The following ENKUR variants were observed in gnomAD, a reference collection of about 807,000 sequenced individuals.
The protein encoded by ENKUR is enkurin.
ENKUR carries 19 observed loss-of-function variants against 27.6 expected under a neutral mutation model. The ratio of observed to expected loss-of-function variants is 0.69; its 90% confidence interval spans 0.48 to 1.01. The LOEUF (loss-of-function observed/expected upper bound fraction) is 1.01, where lower values mean the gene tolerates loss of function less well. Ranked by LOEUF, ENKUR falls within the 50% of genes least tolerant of loss-of-function variation. ENKUR has a pLI of 0.00. For synonymous variants in ENKUR, 117 were observed against 96.9 expected (o/e 1.21, Z -1.22); for missense variants, 312 against 310.5 (o/e 1.00, Z -0.04).
chr10:25,009,328 G>T (rs1363636427), intron 1 of ENKUR, among the ~76,000 whole-genome samples: 1 of 152,014 alleles, frequency 6.6e-6, no homozygotes, highest in East Asian at 1.9e-4. Context: ...GTTGTAGAGA[G>T]AATTTTTATT....
intron 1 of ENKUR, chr10:25,061,438 C>G: frequency 2.9e-6 from 1 of 346,674 alleles, no homozygotes; most frequent in East Asian, 4.9e-5. Flanking sequence ...ATCTCTTCCT[C>G]CTTCTGCTCC....
intron 3 of ENKUR, 29 bp downstream of exon 3, chr10:24,995,617 G>A (rs371439605): frequency 1.4e-5 from 21 of 1,543,772 alleles, no homozygotes; most frequent in Non-Finnish European, 1.9e-5. Context: ...TTGAATTTCA[G>A]CCCTCTTATT....
chr10:25,032,015 TTC>T (rs1177066538), intron 2 of ENKUR, among the ~76,000 whole-genome samples: 1 of 152,164 alleles, frequency 6.6e-6, no homozygotes, highest in Admixed American at 6.5e-5. Flanking sequence ...TGAAATTTGT[TTC>T]TGTTTCTTCT....
upstream of ENKUR, among the ~76,000 whole-genome samples, chr10:25,021,125 C>A (rs546110282): frequency 2.4e-4 from 37 of 152,230 alleles, no homozygotes; most frequent in African/African-American, 8.9e-4. Context: ...AAAAATGCAC[C>A]CTGCCTTGTA....
intron 4 of ENKUR, among the ~76,000 whole-genome samples, chr10:24,987,960 C>T (rs1849814934): frequency 6.6e-6 from 1 of 151,968 alleles, no homozygotes; most frequent in African/African-American, 2.4e-5. Context: ...TTGGCTCACG[C>T]CTGTAATCCT....
At chr10:24,996,723 A>G (rs983182567) in intron 2 of ENKUR, among the ~76,000 whole-genome samples, 6 of 152,150 alleles carry the variant, frequency 3.9e-5, no homozygotes, top group Admixed American at 3.3e-4. Context: ...GACCTTTTTT[A>G]TTAGTTTATA....
upstream of ENKUR, among the ~76,000 whole-genome samples, chr10:25,017,534 TC>T (rs1378319380): frequency 6.6e-6 from 1 of 151,936 alleles, no homozygotes; most frequent in Non-Finnish European, 1.5e-5. Flanking sequence ...ACCTTTTAGT[TC>T]CTGTATAAAA....
intron 2 of ENKUR, chr10:25,023,909 A>G (rs1484083850): frequency 3.7e-6 from 6 of 1,614,230 alleles, no homozygotes; most frequent in East Asian, 2.2e-5. Flanking sequence ...GTGGACTCGG[A>G]AACATTCATT....
intron 2 of ENKUR, among the ~76,000 whole-genome samples, chr10:25,027,914 G>A (rs376370303): frequency 7.9e-5 from 12 of 152,102 alleles, no homozygotes; most frequent in Non-Finnish European, 1.3e-4. Context: ...ACGAGACAAC[G>A]CAAAAATTCA....
intron 2 of ENKUR, among the ~76,000 whole-genome samples, chr10:24,997,426 A>T (rs1274604870): frequency 1.5e-5 from 2 of 137,632 alleles, no homozygotes; most frequent in Non-Finnish European, 3.1e-5. Context: ...TCCCTCTGCC[A>T]CCCAGGCTGG....
At chr10:25,043,691 T>A (rs1851089756) in intron 2 of ENKUR, among the ~76,000 whole-genome samples, 1 of 152,156 alleles carries the variant, frequency 6.6e-6, no homozygotes, top group Non-Finnish European at 1.5e-5. Context: ...TTTTCGATTC[T>A]CTTCTGTTCT....
At chr10:25,053,900 C>G (rs1306242359) in intron 2 of ENKUR, among the ~76,000 whole-genome samples, 2 of 152,122 alleles carry the variant, frequency 1.3e-5, no homozygotes, top group Non-Finnish European at 2.9e-5. Context: ...GTAAACTTCA[C>G]TAATATGGTT....
intron 2 of ENKUR, chr10:25,023,331 C>CT: frequency 6.2e-7 from 1 of 1,614,114 alleles, no homozygotes; most frequent in Non-Finnish European, 8.5e-7. Flanking sequence ...TTTCAAGAAC[C>CT]TTTGCACTTG....
chr10:25,028,123 G>T (rs186286404), intron 2 of ENKUR, among the ~76,000 whole-genome samples: 1 of 152,266 alleles, frequency 6.6e-6, no homozygotes, highest in African/African-American at 2.4e-5. Context: ...AAGGAAGGGG[G>T]AAAACATTCT....
chr10:25,007,624 C>T (rs953840922), intron 1 of ENKUR, among the ~76,000 whole-genome samples: 2 of 152,016 alleles, frequency 1.3e-5, no homozygotes, highest in Non-Finnish European at 2.9e-5. Flanking sequence ...TTAGTAGAGA[C>T]GGGGTTTCAC....
upstream of ENKUR, among the ~76,000 whole-genome samples, chr10:25,017,527 T>G (rs931709911): frequency 3.3e-5 from 5 of 151,764 alleles, no homozygotes; most frequent in Admixed American, 2.6e-4. Flanking sequence ...CTGGTGAACC[T>G]TTTAGTTCCT....
chr10:25,032,690 G>T (rs1275721864), intron 2 of ENKUR, among the ~76,000 whole-genome samples: 1 of 152,142 alleles, frequency 6.6e-6, no homozygotes, highest in Non-Finnish European at 1.5e-5. Context: ...CAGAGACATA[G>T]ATCTCAACTT....
chr10:25,025,498 A>G (rs1186308354), intron 2 of ENKUR: 6 of 1,533,820 alleles, frequency 3.9e-6, no homozygotes, highest in East Asian at 2.3e-5. Flanking sequence ...TAAGCATGCA[A>G]TAATAAATCT....
intron 2 of ENKUR, 142 bp downstream of exon 2, chr10:24,999,259 C>T (rs1850135761): frequency 2.5e-6 from 2 of 798,284 alleles, no homozygotes; most frequent in Non-Finnish European, 3.8e-6. Flanking sequence ...TCTCTACTTC[C>T]ACTTTCTCCT....
Sources: allele counts gnomAD v4.1 joint callset (sites outside exome capture counted in the v4.1 genomes callset), GRCh38; gene constraint gnomAD v4.1.1; transcripts MANE v1.5; gene names NCBI Gene and HGNC (gene_info 2026-07-23, HGNC 2026-07-21).